Variants in ERBB4 observed in about 807,000 individuals in gnomAD.
ERBB4 encodes the protein receptor tyrosine-protein kinase erbB-4.
A neutral mutation model predicts 158.0 loss-of-function variants in ERBB4; 42 were observed. That is an observed-to-expected ratio of 0.27 (90% confidence interval 0.21 to 0.34). ERBB4 has a LOEUF of 0.34. ERBB4 is among the 10% of genes least tolerant of loss of function. The pLI, the probability that ERBB4 is intolerant of heterozygous loss-of-function variation, is 1.00. For missense variants in ERBB4, 1,333 were observed against 1,624.1 expected (o/e 0.82, Z 3.08); for synonymous variants, 583 against 558.7 (o/e 1.04, Z -0.61).
At chr2:212,025,582 C>A (rs746889619) in intron 2 of ERBB4, among the ~76,000 whole-genome samples, 4 of 151,764 alleles carry the variant, frequency 2.6e-5, no homozygotes, top group Non-Finnish European at 5.9e-5. Flanking sequence ...TTCCTTTTAT[C>A]CCTGACACAG....
At chr2:211,997,083 G>C (rs1011290349) in intron 2 of ERBB4, among the ~76,000 whole-genome samples, 4 of 152,084 alleles carry the variant, frequency 2.6e-5, no homozygotes, top group Non-Finnish European at 5.9e-5. Context: ...GACCAACTGA[G>C]GAAACAAGAT....
chr2:211,675,133 T>C (rs1030303721), intron 13 of ERBB4, among the ~76,000 whole-genome samples: 1 of 152,184 alleles, frequency 6.6e-6, no homozygotes, highest in Admixed American at 6.5e-5. Flanking sequence ...AGTGATTCTA[T>C]TGTGACTTTG....
At chr2:211,450,117 G>C (rs1370365271) in intron 20 of ERBB4, among the ~76,000 whole-genome samples, 1 of 152,156 alleles carries the variant, frequency 6.6e-6, no homozygotes, top group Non-Finnish European at 1.5e-5. Flanking sequence ...GAGGCAGCCT[G>C]GTTTCAGGTC....
intron 2 of ERBB4, among the ~76,000 whole-genome samples, chr2:212,098,838 G>A (rs2079002256): frequency 6.6e-6 from 1 of 152,088 alleles, no homozygotes; most frequent in Non-Finnish European, 1.5e-5. Flanking sequence ...TAGTTCAAAT[G>A]TACAATTAAT....
chr2:212,259,578 C>T (rs2084858981), intron 1 of ERBB4, among the ~76,000 whole-genome samples: 1 of 152,032 alleles, frequency 6.6e-6, no homozygotes, highest in South Asian at 2.1e-4. Context: ...AAAATGTTTC[C>T]TTTGAATAAC....
At chr2:211,839,274 C>T (rs2077418136) in intron 3 of ERBB4, among the ~76,000 whole-genome samples, 1 of 151,686 alleles carries the variant, frequency 6.6e-6, no homozygotes, top group Non-Finnish European at 1.5e-5. Context: ...ACCTAATTGT[C>T]ACCCTTCACG....
chr2:211,547,045 CA>C (rs2066958963), intron 20 of ERBB4, among the ~76,000 whole-genome samples: 1 of 152,046 alleles, frequency 6.6e-6, no homozygotes, highest in South Asian at 2.1e-4. Context: ...TAGAACTACA[CA>C]CGCACATACA....
At chr2:211,544,660 G>C (rs2066896532) in intron 20 of ERBB4, among the ~76,000 whole-genome samples, 1 of 152,028 alleles carries the variant, frequency 6.6e-6, no homozygotes, top group African/African-American at 2.4e-5. Flanking sequence ...ATATACATCA[G>C]ATACTGTGTT....
chr2:211,458,308 C>T (rs1199924362), intron 20 of ERBB4, among the ~76,000 whole-genome samples: 1 of 151,668 alleles, frequency 6.6e-6, no homozygotes, highest in African/African-American at 2.4e-5. Flanking sequence ...TGCTCTGTCA[C>T]CAGGCTGGAG....
chr2:211,478,793 T>G (rs1429388226), intron 20 of ERBB4, among the ~76,000 whole-genome samples: 3 of 152,132 alleles, frequency 2.0e-5, no homozygotes, highest in Non-Finnish European at 4.4e-5. Flanking sequence ...TTACTATTTC[T>G]CAGATGTACT....
intron 7 of ERBB4, among the ~76,000 whole-genome samples, chr2:211,722,184 A>T (rs1305764566): frequency 6.6e-6 from 1 of 152,104 alleles, no homozygotes; most frequent in African/African-American, 2.4e-5. Flanking sequence ...TATAACCTCA[A>T]ACATGTCATC....
chr2:212,102,620 C>T (rs1026786361), intron 2 of ERBB4, among the ~76,000 whole-genome samples: 1 of 152,090 alleles, frequency 6.6e-6, no homozygotes, highest in Non-Finnish European at 1.5e-5. Flanking sequence ...TACTGTTAGT[C>T]ATGTATATGA....
intron 19 of ERBB4, among the ~76,000 whole-genome samples, chr2:211,566,697 T>C (rs556049482): frequency 6.6e-6 from 1 of 152,268 alleles, no homozygotes; most frequent in Non-Finnish European, 1.5e-5. Flanking sequence ...TGTAAAAATA[T>C]ACACATACCG....
intron 1 of ERBB4, among the ~76,000 whole-genome samples, chr2:212,225,004 T>A (rs533441075): frequency 6.6e-6 from 1 of 152,196 alleles, no homozygotes; most frequent in Admixed American, 6.6e-5. Context: ...CAATAAAAAT[T>A]CAATTTTTTC....
intron 1 of ERBB4, among the ~76,000 whole-genome samples, chr2:212,411,770 C>T (rs1444983067): frequency 6.6e-6 from 1 of 151,980 alleles, no homozygotes; most frequent in Non-Finnish European, 1.5e-5. Context: ...CCTGAAGTTC[C>T]CCTGACAAGG....
intron 1 of ERBB4, among the ~76,000 whole-genome samples, chr2:212,505,072 G>C (rs1448418498): frequency 6.6e-6 from 1 of 151,472 alleles, no homozygotes; most frequent in East Asian, 1.9e-4. Context: ...TCTTACTCTT[G>C]CTTTTGTTTT....
At chr2:211,793,452 A>C (rs1347749303) in intron 3 of ERBB4, among the ~76,000 whole-genome samples, 1 of 151,928 alleles carries the variant, frequency 6.6e-6, no homozygotes, top group Non-Finnish European at 1.5e-5. Context: ...CATTTAAATA[A>C]TGCATATGTC....
intron 1 of ERBB4, among the ~76,000 whole-genome samples, chr2:212,274,323 C>T (rs1386432572): frequency 6.6e-6 from 1 of 151,760 alleles, no homozygotes; most frequent in East Asian, 1.9e-4. Context: ...ATATGGGTCC[C>T]ATGGTGTTAT....
At position 212,111,819 on chromosome 2, in the gene ERBB4, C is replaced by T. The variant is rs765979275; in HGVS notation, c.234+12933G>A. Among the ~76,000 whole-genome samples, 126 of 152,058 alleles carry T rather than the reference C, an allele frequency of 8.3e-4. 1 individual carries two copies. Among genetic ancestry groups the T allele is most frequent in the Non-Finnish European group, 1.5e-3 (101 of 67,982 alleles). On this transcript the variant is annotated intron_variant, in intron 2 of 27. Coordinates refer to ENST00000342788, the MANE Select transcript of ERBB4 (RefSeq NM_005235.3). ...ATAAGATGTAGCTCTTGTTTTAAGG[C>T]GCTCTTGAGTTCAATCTGGGAATGT... is the stretch of plus-strand genomic sequence containing the variant.
Sources: gnomAD v4.1 joint callset for allele counts (sites outside exome capture counted in the v4.1 genomes callset) on GRCh38, gnomAD v4.1.1 for gene constraint, MANE v1.5 for transcripts, NCBI Gene and HGNC (gene_info 2026-07-23, HGNC 2026-07-21) for gene names.